The following ELMO1 variants were observed in gnomAD, a reference collection of about 807,000 sequenced individuals.
The protein encoded by ELMO1 is engulfment and cell motility protein 1.
ELMO1 carries 26 observed loss-of-function variants against 98.9 expected under a neutral mutation model. The observed-to-expected ratio is 0.26, with a 90% CI of 0.19 to 0.36. ELMO1 has a LOEUF of 0.36. Among genes scored for constraint, ELMO1 ranks in the 10% least tolerant of loss-of-function variants. ELMO1 has a pLI of 1.00. For synonymous variants in ELMO1, 346 were observed against 346.0 expected (o/e 1.00, Z 0.00); for missense variants, 627 against 935.2 (o/e 0.67, Z 4.30).
At chr7:37,245,576 ATATTTAC>A (rs990499948) in intron 6 of ELMO1, among the ~76,000 whole-genome samples, 3 of 152,100 alleles carry the variant, frequency 2.0e-5, no homozygotes, top group Non-Finnish European at 4.4e-5. Context: ...CTTTTAAAAA[ATATTTAC>A]TATTTCCCAT....
rs1404350036 is a variant in ELMO1, at chr7:37,069,717, G to GA, written c.1300+26901dup. Reference sequence around the variant, plus strand: ...CCGATTTCATACTAAAAGTTGATGAGAAAATGGGTCTCAGAATTAGTAATA... The same window carrying GA: ...CCGATTTCATACTAAAAGTTGATGAGAAAAATGGGTCTCAGAATTAGTAATA... On this transcript the variant is annotated intron_variant, in intron 15 of 21. Coordinates refer to ENST00000310758, the MANE Select transcript of ELMO1 (RefSeq NM_014800.11). Among the ~76,000 whole-genome samples the GA allele has an allele frequency of 7.9e-5, 12 of 152,300 alleles. No individual in the cohort carries two copies. The East Asian group carries it at 2.3e-3, about 29-fold the overall frequency.
intron 1 of ELMO1, among the ~76,000 whole-genome samples, chr7:37,421,164 T>C (rs1219270510): frequency 6.6e-6 from 1 of 152,216 alleles, no homozygotes; most frequent in East Asian, 1.9e-4. Context: ...CTGAGTTTTC[T>C]GCAAAGGAGC....
At chr7:37,025,171 G>A (rs900258787) in intron 15 of ELMO1, among the ~76,000 whole-genome samples, 1 of 152,188 alleles carries the variant, frequency 6.6e-6, no homozygotes, top group African/African-American at 2.4e-5. Flanking sequence ...TACTGGAGCT[G>A]CTTTTAGGTC....
intron 1 of ELMO1, among the ~76,000 whole-genome samples, chr7:37,363,985 C>G (rs1353287493): frequency 6.6e-6 from 1 of 152,192 alleles, no homozygotes; most frequent in Non-Finnish European, 1.5e-5. Flanking sequence ...ACCCATGCTT[C>G]TTCATTTGAC....
rs1191868929 is a variant in ELMO1 at position 37,260,315 on chromosome 7, G to T, written c.244-965C>A. Reference sequence around the variant, plus strand: ...CGTGTTATATTTTAGAGAGGGAGAAGATAGGGTGTCGACCCCATTAATGAG... The same window carrying T: ...CGTGTTATATTTTAGAGAGGGAGAATATAGGGTGTCGACCCCATTAATGAG... On this transcript the variant is annotated intron_variant, in intron 5 of 21. Coordinates refer to ENST00000310758, the MANE Select transcript of ELMO1 (RefSeq NM_014800.11). Among the ~76,000 whole-genome samples, 3 of 152,210 alleles carry T rather than the reference G, an allele frequency of 2.0e-5. No individual in the cohort carries two copies. The East Asian group carries it at 5.8e-4, about 29-fold the overall frequency.
intron 5 of ELMO1, among the ~76,000 whole-genome samples, chr7:37,263,009 G>A (rs568069747): frequency 6.6e-6 from 1 of 152,214 alleles, no homozygotes; most frequent in Non-Finnish European, 1.5e-5. Context: ...AGTCCCAGAA[G>A]TGACCTCCAA....
intron 4 of ELMO1, among the ~76,000 whole-genome samples, chr7:37,273,721 G>T (rs2130866069): frequency 6.6e-6 from 1 of 152,236 alleles, no homozygotes; most frequent in South Asian, 2.1e-4. Context: ...GAAGTTGGGG[G>T]TTAATAAATC....
intron 15 of ELMO1, among the ~76,000 whole-genome samples, chr7:37,037,563 T>C (rs1795261896): frequency 6.6e-6 from 1 of 152,210 alleles, no homozygotes; most frequent in Non-Finnish European, 1.5e-5. Context: ...GCACAGGTTT[T>C]CTGCCCCTAG....
chr7:37,150,033 T>A (rs1294754267), intron 13 of ELMO1, among the ~76,000 whole-genome samples: 1 of 152,178 alleles, frequency 6.6e-6, no homozygotes, highest in African/African-American at 2.4e-5. Flanking sequence ...CCAGCTAGTA[T>A]CACAGTGACT....
At chr7:37,252,234 C>T (rs1795388927) in intron 6 of ELMO1, among the ~76,000 whole-genome samples, 1 of 152,006 alleles carries the variant, frequency 6.6e-6, no homozygotes, top group South Asian at 2.1e-4. Flanking sequence ...AAAACTACTT[C>T]GAATTTCATA....
chr7:37,073,249 T>G (rs1429530827), intron 15 of ELMO1, among the ~76,000 whole-genome samples: 2 of 152,202 alleles, frequency 1.3e-5, no homozygotes, highest in Non-Finnish European at 2.9e-5. Context: ...AAGGATATTT[T>G]AAGATATAGA....
At chr7:37,187,381 C>A (rs1293955309) in intron 13 of ELMO1, among the ~76,000 whole-genome samples, 1 of 152,062 alleles carries the variant, frequency 6.6e-6, no homozygotes, top group Non-Finnish European at 1.5e-5. Flanking sequence ...TTGGTGATGG[C>A]TTTACAACCC....
At position 37,328,000 on chromosome 7, in the gene ELMO1, T is replaced by G. The variant is rs73691243; in HGVS notation, c.79-12040A>C. Among the ~76,000 whole-genome samples, 1,237 of 152,328 alleles carry G rather than the reference T, an allele frequency of 8.1e-3. 22 individuals are homozygous for G. Among genetic ancestry groups the G allele is most frequent in the African/African-American group, 0.029 (1,192 of 41,564 alleles). On this transcript the variant is annotated intron_variant, in intron 2 of 21. Transcript: ENST00000310758. ...GATACAGTGTAGCAACAGCTACTGT[T>G]TTTTGAGTGACTACCATATACTCCC... is the stretch of plus-strand genomic sequence containing the variant.
chr7:37,188,332 T>A (rs1414164098), intron 13 of ELMO1, among the ~76,000 whole-genome samples: 1 of 151,628 alleles, frequency 6.6e-6, no homozygotes, highest in Non-Finnish European at 1.5e-5. Context: ...CCACTATCCT[T>A]CATTACATGA....
intron 14 of ELMO1, among the ~76,000 whole-genome samples, chr7:37,123,680 A>G (rs1036273366): frequency 8.5e-5 from 13 of 152,182 alleles, no homozygotes; most frequent in Non-Finnish European, 1.2e-4. Flanking sequence ...AGAACCAGAC[A>G]GATTCACAGC....
intron 2 of ELMO1, among the ~76,000 whole-genome samples, chr7:37,340,379 T>C (rs1800650746): frequency 6.6e-6 from 1 of 152,166 alleles, no homozygotes; most frequent in Non-Finnish European, 1.5e-5. Context: ...CTGGCAATTT[T>C]TGTGTGTTTA....
intron 17 of ELMO1, among the ~76,000 whole-genome samples, 200 bp downstream of exon 17, chr7:36,894,654 C>T (rs1805842155): frequency 6.6e-6 from 1 of 152,178 alleles, no homozygotes; most frequent in South Asian, 2.1e-4. Context: ...ATTCTTCCAG[C>T]AACTGGCCCA....
intron 1 of ELMO1, among the ~76,000 whole-genome samples, chr7:37,446,522 C>T (rs1339600180): frequency 6.6e-6 from 1 of 152,102 alleles, no homozygotes; most frequent in Non-Finnish European, 1.5e-5. Flanking sequence ...GAGAAAAGCT[C>T]CTCCTGTAAT....
intron 14 of ELMO1, among the ~76,000 whole-genome samples, chr7:37,114,756 A>G (rs1219733699): frequency 2.0e-5 from 3 of 152,176 alleles, no homozygotes; most frequent in Non-Finnish European, 4.4e-5. Context: ...GTAAAAAAAA[A>G]TAATGGAGTG....
Sources: gnomAD v4.1 joint callset for allele counts (sites outside exome capture counted in the v4.1 genomes callset) on GRCh38, gnomAD v4.1.1 for gene constraint, MANE v1.5 for transcripts, NCBI Gene and HGNC (gene_info 2026-07-23, HGNC 2026-07-21) for gene names.